Variants in C15orf39 observed in about 807,000 individuals in gnomAD.
The protein encoded by C15orf39 is uncharacterized protein C15orf39.
In C15orf39, 24 loss-of-function variants were observed where a neutral mutation model predicts 53.9. The ratio of observed to expected loss-of-function variants is 0.45; its 90% CI spans 0.32 to 0.63. The LOEUF (loss-of-function observed/expected upper bound fraction) is 0.63. C15orf39 is among the 20% of genes least tolerant of loss of function. C15orf39 has a pLI of 0.04. For missense variants in C15orf39, 1,271 were observed against 1,347.9 expected, an observed-to-expected ratio of 0.94 and a Z score of 0.89; for synonymous variants, 569 against 576.5, an observed-to-expected ratio of 0.99 and a Z score of 0.19.
At position 75,207,721 on chromosome 15, in the gene C15orf39, C is replaced by T; in HGVS notation, c.1673C>T (p.Pro558Leu). The T allele has an allele frequency of 6.2e-7, 1 of 1,602,126 alleles. No individual in the cohort carries two copies. The highest frequency in any genetic ancestry group is 8.5e-7 in the Non-Finnish European group (1 of 1,173,286). The change falls in exon 2 of 3, where the codon CCC becomes CTC. Residue 558 changes from proline (P) to leucine (L), a missense_variant. Transcript: ENST00000394987. ...GGGACCCTGCCTGCCCAGGAGGGCC[C>T]CTCAGGGAGTAAACCCCTAAGGGGC... Reference protein sequence around the residue: ...CRGTLPAQEGPSGSKPLRGSL... With the variant: ...CRGTLPAQEGLSGSKPLRGSL...
chr15:75,207,771 G>A lies in C15orf39; in HGVS notation c.1723G>A (p.Asp575Asn). Residue 575 changes from aspartate (D) to asparagine (N), a missense_variant, in exon 2 of 3, where the codon GAT (aspartate) becomes AAT (asparagine). Asp to Asn is a conservative substitution (Grantham distance 23). Coordinates refer to ENST00000394987, the MANE Select transcript of C15orf39 (RefSeq NM_015492.5). ...CTCACTTAAGGAGGAGGTAGCCCTG[G>A]ATTTGAGTGTGAGGAAGCCCACAGC... ...RGSLKEEVAL[D>N]LSVRKPTAEA... The A allele has an allele frequency of 6.2e-7, 1 of 1,611,416 alleles. No homozygotes were observed. Among genetic ancestry groups the A allele is most frequent in the African/African-American group, 1.3e-5 (1 of 74,980 alleles).
rs1309765116 is a variant in C15orf39, at chr15:75,203,629, C to G, written c.-51+1570C>G. Among the ~76,000 whole-genome samples, 4 of 152,112 alleles carry G rather than the reference C, an allele frequency of 2.6e-5. No homozygotes were observed. In the South Asian group the frequency reaches 6.2e-4, roughly 24 times the overall value. Reference sequence around the variant, plus strand: ...TGGTTTCCTGTCTATTGACTGGGTCCCAGATAGGGGCCTCAAGAAGTCTCC... The same window carrying G: ...TGGTTTCCTGTCTATTGACTGGGTCGCAGATAGGGGCCTCAAGAAGTCTCC... On this transcript the variant is annotated intron_variant, in intron 1 of 2. Coordinates refer to ENST00000394987, the MANE Select transcript of C15orf39 (RefSeq NM_015492.5).
chr15:75,208,993 A>G lies in C15orf39; in HGVS notation c.2776+169A>G, dbSNP rs1388822465. ...CCCCCACCCCTTGACCCTCCAGACA[A>G]TCAGTGAGCACCTTCATAGCCTCTT... On this transcript the variant is annotated intron_variant, in intron 2 of 2. Transcript: ENST00000394987. 16 of 1,149,482 alleles carry G rather than the reference A, an allele frequency of 1.4e-5. No homozygotes were observed. In the Admixed American group the frequency reaches 2.1e-4, roughly 15 times the overall value. The allele number at this position is 1,149,482 out of a possible 1,614,324, so 71.2% of individuals were successfully genotyped here.
rs141711187 is a variant in C15orf39, at chr15:75,207,142, C to T, written c.1094C>T (p.Pro365Leu). The T allele has an allele frequency of 3.2e-5, 51 of 1,613,758 alleles. 2 individuals carry two copies. The South Asian group carries it at 4.9e-4, about 16-fold the overall frequency. Reference sequence around the variant, plus strand: ...CTCAAGCTGGAGCCGCCTCTCACTCCACGGTGCCCATTGGACTTTGCCCCC... The same window carrying T: ...CTCAAGCTGGAGCCGCCTCTCACTCTACGGTGCCCATTGGACTTTGCCCCC... ...PGLKLEPPLT[P>L]RCPLDFAPQT... The change falls in exon 2 of 3, where the codon CCA (proline) becomes CTA (leucine). Residue 365 changes from proline to leucine, a missense_variant. Around this residue, in one of 2 missense-constraint regions of C15orf39, gnomAD observed 994 missense variants for 993.7 expected, o/e 1.00. Coordinates refer to ENST00000394987, the MANE Select transcript of C15orf39 (RefSeq NM_015492.5).
rs1440568678 is a variant in C15orf39 at position 75,211,645 on chromosome 15, A to G, written c.*529A>G. 2 of 152,146 alleles carry G rather than the reference A, an allele frequency of 1.3e-5. No homozygotes were observed. The highest frequency in any genetic ancestry group is 1.3e-4 in the Admixed American group (2 of 15,276). 9.4% of individuals were successfully genotyped at this position (152,146 alleles called of 1,614,324 possible). ...AGTGGTACCTTAGGCAGTGGATGTG[A>G]CTCACACTTTCAGGAGTCACCCCCC... On this transcript the variant is annotated 3_prime_UTR_variant, in exon 3 of 3. Transcript: ENST00000394987.
chr15:75,208,969 C>T, intron 2 of C15orf39, 145 bp downstream of exon 2: 1 of 1,357,450 alleles, frequency 7.4e-7, no homozygotes, highest in Non-Finnish European at 9.7e-7. Context: ...CTCTAGGTAC[C>T]CCCACCCCTT....
chr15:75,210,776 T>C lies in C15orf39; in HGVS notation c.2804T>C (p.Val935Ala). 1 of 1,610,554 alleles carries C rather than the reference T, an allele frequency of 6.2e-7. No homozygotes were observed. The highest frequency in any genetic ancestry group is 1.1e-5 in the South Asian group (1 of 91,016). Reference sequence around the variant, plus strand: ...GACTTTGACACTGAGGCTGGAGCTGTGTCCTCCTCAGAGCCCACTGTGGCC... The same window carrying C: ...GACTTTGACACTGAGGCTGGAGCTGCGTCCTCCTCAGAGCCCACTGTGGCC... ...LGDFDTEAGA[V>A]SSSEPTVARG... is the part of the protein sequence containing the mutation. The change falls in exon 3 of 3, where the codon GTG becomes GCG. Residue 935 changes from valine to alanine, a missense_variant. This residue lies in a region of C15orf39 where 277 missense variants were observed against 354.1 expected (regional missense o/e 0.78). Coordinates refer to ENST00000394987, the MANE Select transcript of C15orf39 (RefSeq NM_015492.5).
At chr15:75,202,574 C>T (rs988193600) in intron 1 of C15orf39, 1 of 152,352 alleles carries the variant, frequency 6.6e-6, no homozygotes, top group African/African-American at 2.4e-5. Context: ...TCAGCCCAGG[C>T]TGGCAGGATC....
Position 75,208,284 on chromosome 15 carries a change from G to T in C15orf39, c.2236G>T (p.Ala746Ser), listed in dbSNP as rs1406918800. The T allele has an allele frequency of 3.8e-6, 6 of 1,583,130 alleles. No homozygotes were observed. The highest frequency in any genetic ancestry group is 5.2e-6 in the Non-Finnish European group (6 of 1,164,608). ...AGCCCGGGATCCAGCTCCAGCTCCA[G>T]CTCCAGTTGCAGGCCCTGCTCCAGC... ...ASARDPAPAP[A>S]PVAGPAPAST... The change falls in exon 2 of 3, where the codon GCT becomes TCT. Residue 746 changes from alanine (A) to serine (S), a missense_variant. Ala to Ser is a moderately conservative substitution (Grantham distance 99). Coordinates refer to ENST00000394987, the MANE Select transcript of C15orf39 (RefSeq NM_015492.5).
chr15:75,206,018 G>A lies in C15orf39; in HGVS notation c.-31G>A, dbSNP rs573923541. On this transcript the variant is annotated 5_prime_UTR_variant, in exon 2 of 3. Transcript: ENST00000394987. ...TCCCAGGTCAGAAGTTGAGTAGCAG[G>A]GGCCTAGGAGGGCTCGAAGCCTTCA... 6.6e-7 allele frequency: 1 copy of A among 1,516,762 alleles called. No individual in the cohort carries two copies. Among genetic ancestry groups the A allele is most frequent in the African/African-American group, 1.4e-5 (1 of 71,600 alleles). 94.0% of individuals were successfully genotyped at this position (1,516,762 alleles called of 1,614,324 possible).
chr15:75,204,841 G>A (rs1024618610), intron 1 of C15orf39, among the ~76,000 whole-genome samples: 3 of 152,120 alleles, frequency 2.0e-5, no homozygotes, highest in Non-Finnish European at 2.9e-5. Flanking sequence ...CGCCCCTGAC[G>A]CTGTCTTGGC....
chr15:75,209,012 GCCTCTTTTGT>G (rs1288479000), intron 2 of C15orf39, 188 bp downstream of exon 2: 2 of 1,023,114 alleles, frequency 2.0e-6, no homozygotes, highest in Non-Finnish European at 2.7e-6. Flanking sequence ...CACCTTCATA[GCCTCTTTTGT>G]AGGCTTCTGA....
upstream of C15orf39, among the ~76,000 whole-genome samples, chr15:75,200,486 G>A (rs894884836): frequency 8.5e-5 from 13 of 152,204 alleles, no homozygotes; most frequent in African/African-American, 3.1e-4. Flanking sequence ...GCAGGGACAG[G>A]GTCGCCGGCG....
Position 75,211,268 on chromosome 15 carries a change from TGAAG to T in C15orf39, c.*153_*156del. The T allele has an allele frequency of 2.8e-6, 3 of 1,054,158 alleles. No homozygotes were observed. The highest frequency in any genetic ancestry group is 4.0e-6 in the Non-Finnish European group (3 of 752,702). The allele number at this position is 1,054,158 out of a possible 1,614,324, so 65.3% of individuals were successfully genotyped here. A position where few individuals can be genotyped will look rare whatever the true frequency, so the allele number is the denominator to read the frequency against. ...ACCCTGTGGCCCATTCAGGGTGGGC[TGAAG>T]AGCCCCTGAGCTTTTAACGTGAGGG... On this transcript the variant is annotated 3_prime_UTR_variant, in exon 3 of 3. Coordinates refer to ENST00000394987, the MANE Select transcript of C15orf39 (RefSeq NM_015492.5).
At chr15:75,205,566 G>C (rs1195480079) in intron 1 of C15orf39, among the ~76,000 whole-genome samples, 4 of 152,152 alleles carry the variant, frequency 2.6e-5, no homozygotes, top group African/African-American at 9.7e-5. Context: ...TCATGCCTGT[G>C]ATTTCAGCAT....
At chr15:75,199,608 G>A (rs1389118677), upstream of C15orf39, among the ~76,000 whole-genome samples, 1 of 152,176 alleles carries the variant, frequency 6.6e-6, no homozygotes, top group Admixed American at 6.5e-5. Context: ...ATGAGCCAAG[G>A]CTCAGGATCT....
At position 75,206,857 on chromosome 15, in the gene C15orf39, C is replaced by G; in HGVS notation, c.809C>G (p.Pro270Arg). 1 of 1,467,588 alleles carries G rather than the reference C, an allele frequency of 6.8e-7. No individual in the cohort carries two copies. Among genetic ancestry groups the G allele is most frequent in the Non-Finnish European group, 9.1e-7 (1 of 1,103,112 alleles). The allele number at this position is 1,467,588 out of a possible 1,614,324, so 90.9% of individuals were successfully genotyped here. A position where few individuals can be genotyped will look rare whatever the true frequency, so the allele number is the denominator to read the frequency against. Residue 270 changes from proline to arginine, a missense_variant, in exon 2 of 3, where the codon CCA becomes CGA. Physicochemically the swap from Pro to Arg is moderately radical, Grantham distance 103. Around this residue, in one of 2 missense-constraint regions of C15orf39, gnomAD observed 994 missense variants for 993.7 expected, o/e 1.00. Transcript: ENST00000394987. ...CAGGACACCGGGCCCACCCACTACC[C>G]ACCACCCCACCACCCACCACCCCAC... is the stretch of plus-strand genomic sequence containing the variant. The part of the protein sequence containing the change: ...PCQDTGPTHY[P>R]PPHHPPPHPP...
chr15:75,209,837 A>G (rs1197273070), intron 2 of C15orf39, among the ~76,000 whole-genome samples: 1 of 152,164 alleles, frequency 6.6e-6, no homozygotes, highest in African/African-American at 2.4e-5. Context: ...GGGATGGGGA[A>G]GGGCCTGTGG....
At chr15:75,200,703 C>T (rs559381032), upstream of C15orf39, among the ~76,000 whole-genome samples, 3 of 152,276 alleles carry the variant, frequency 2.0e-5, no homozygotes, top group African/African-American at 7.2e-5. Flanking sequence ...GATTTTGTCC[C>T]AGCCTGCTGA....
Sources: allele counts gnomAD v4.1 joint callset (sites outside exome capture counted in the v4.1 genomes callset), GRCh38; gene constraint gnomAD v4.1.1; regional missense constraint gnomAD v4.1.1; transcripts MANE v1.5; gene names NCBI Gene and HGNC (gene_info 2026-07-23, HGNC 2026-07-21).